Variants in ATL2 observed in about 807,000 individuals in gnomAD.
ATL2 encodes the protein atlastin GTPase 2, also known as atlastin-2.
Under a neutral mutation model 73.9 loss-of-function variants are expected in ATL2, and 31 were observed. The ratio of observed to expected loss-of-function variants is 0.42; its 90% CI spans 0.32 to 0.57. ATL2 has a LOEUF of 0.57. Among genes scored for constraint, ATL2 ranks in the 20% least tolerant of loss-of-function variants. ATL2 has a pLI of 0.14. For synonymous variants in ATL2, 291 were observed against 237.5 expected (o/e 1.23, Z -2.07); for missense variants, 738 against 702.6 (o/e 1.05, Z -0.57).
chr2:38,367,579 A>G (rs1222660413), intron 1 of ATL2, among the ~76,000 whole-genome samples: 1 of 126,564 alleles, frequency 7.9e-6, no homozygotes, highest in Non-Finnish European at 1.7e-5. Flanking sequence ...CGGGGAACAG[A>G]GCAAGAATCC....
At chr2:38,365,547 T>G (rs1289606064) in intron 1 of ATL2, among the ~76,000 whole-genome samples, 6 of 151,978 alleles carry the variant, frequency 3.9e-5, no homozygotes. Context: ...TCTTAGCACT[T>G]TCGGAGGCCA....
At chr2:38,368,630 T>C (rs1671490380) in intron 1 of ATL2, among the ~76,000 whole-genome samples, 1 of 152,134 alleles carries the variant, frequency 6.6e-6, no homozygotes. Flanking sequence ...AAATTGCCAA[T>C]TTATTTAAGA....
chr2:38,370,230 G>A (rs187737820), intron 1 of ATL2, among the ~76,000 whole-genome samples: 4 of 145,434 alleles, frequency 2.8e-5, no homozygotes, highest in East Asian at 2.1e-4. Context: ...TTTGGGGGCC[G>A]AGGTGGGTGG....
At chr2:38,343,243 G>C (rs1387645433) in intron 2 of ATL2, 25 bp downstream of exon 2, 2 of 1,519,276 alleles carry the variant, frequency 1.3e-6, no homozygotes, top group Non-Finnish European at 1.8e-6. Context: ...CTTTTTAATT[G>C]GGTTCAATTT....
At chr2:38,357,566 C>A (rs1277856104) in intron 1 of ATL2, among the ~76,000 whole-genome samples, 1 of 145,216 alleles carries the variant, frequency 6.9e-6, no homozygotes, top group South Asian at 2.2e-4. Context: ...GCAGAAGAAT[C>A]GCTTGAACCC....
chr2:38,315,223 T>C, intron 5 of ATL2, 61 bp downstream of exon 5: 1 of 1,381,160 alleles, frequency 7.2e-7, no homozygotes, highest in Non-Finnish European at 9.4e-7. Context: ...CGTACTCTAG[T>C]CTGGGGAACA....
In ATL2 at chr2:38,343,292, G is replaced by C; in HGVS notation, c.339C>G (p.Phe113Leu). Residue 113 changes from phenylalanine (F) to leucine (L), a missense_variant, in exon 2 of 13, where the codon TTC (phenylalanine) becomes TTG (leucine). Phe to Leu is a conservative substitution (Grantham distance 22, BLOSUM62 0). Transcript: ENST00000378954. ...FRKGKSFLLDFMLRYMYNKDS... is the reference protein window; with the variant it reads ...FRKGKSFLLDLMLRYMYNKDS... Reference sequence around the variant, plus strand: ...CCTTGTTATACATGTATCTAAGCATGAAGTCCAGTAGAAATGACTTCCCTT... The same window carrying C: ...CCTTGTTATACATGTATCTAAGCATCAAGTCCAGTAGAAATGACTTCCCTT... 1 of 1,606,350 alleles carries C rather than the reference G, an allele frequency of 6.2e-7. No homozygotes were observed. The highest frequency in any genetic ancestry group is 1.4e-5 in the African/African-American group (1 of 73,592).
Position 38,319,663 on chromosome 2 carries a change from A to T in ATL2, c.364-644T>A, listed in dbSNP as rs150093853. On this transcript the variant is annotated intron_variant, in intron 2 of 12. Transcript: ENST00000378954. ...AGAAATATTTCCTAAAATGTTAAAA[A>T]TCATAAAAAACTCGGCACCAATTAT... Among the ~76,000 whole-genome samples the T allele has an allele frequency of 1.5e-3, 225 of 152,214 alleles. 1 individual carries two copies. Among genetic ancestry groups the T allele is most frequent in the African/African-American group, 5.2e-3 (216 of 41,534 alleles).
intron 9 of ATL2, among the ~76,000 whole-genome samples, chr2:38,302,904 A>G (rs1234339053): frequency 5.9e-5 from 9 of 152,216 alleles, no homozygotes. Context: ...TAACTCTTCA[A>G]TGTCCAGACA....
chr2:38,341,177 G>A (rs1248407285), intron 2 of ATL2, among the ~76,000 whole-genome samples: 2 of 152,166 alleles, frequency 1.3e-5, no homozygotes, highest in African/African-American at 4.8e-5. Flanking sequence ...GCACTAAACA[G>A]CTTAGACACA....
intron 1 of ATL2, among the ~76,000 whole-genome samples, chr2:38,351,746 G>A (rs1015319811): frequency 1.3e-5 from 2 of 151,798 alleles, no homozygotes; most frequent in East Asian, 2.0e-4. Flanking sequence ...ACCCGCCTCC[G>A]CCTCCCAAAG....
At chr2:38,298,094 T>C in intron 12 of ATL2, 50 bp downstream of exon 12, 1 of 1,505,196 alleles carries the variant, frequency 6.6e-7, no homozygotes, top group Non-Finnish European at 9.0e-7. Context: ...GGATGGAAAG[T>C]CACAGGAAAA....
rs1670845927 is a variant in ATL2 at position 38,358,924 on chromosome 2, A to G, written c.119-15412T>C. ...CGATAAATTTTTTTTGAAGGAAAAA[A>G]ACAGCTACTAGTCAAACAGATACTA... On this transcript the variant is annotated intron_variant, in intron 1 of 12. Coordinates refer to ENST00000378954, the MANE Select transcript of ATL2 (RefSeq NM_001135673.4). Among the ~76,000 whole-genome samples, 4 of 152,188 alleles carry G rather than the reference A, an allele frequency of 2.6e-5. No individual in the cohort carries two copies. In the South Asian group the frequency reaches 8.3e-4, roughly 31 times the overall value.
At chr2:38,298,937 G>A (rs939078442) in intron 11 of ATL2, among the ~76,000 whole-genome samples, 1 of 152,154 alleles carries the variant, frequency 6.6e-6, no homozygotes, top group Non-Finnish European at 1.5e-5. Flanking sequence ...GAGCAAGCAA[G>A]TACAGAAACT....
chr2:38,376,377 A>T, intron 1 of ATL2: 1 of 617,784 alleles, frequency 1.6e-6, no homozygotes, highest in South Asian at 4.1e-5. Flanking sequence ...GGAGCCAAGG[A>T]TCAGGTGACT....
chr2:38,372,123 GTTTT>G (rs371482809), intron 1 of ATL2, among the ~76,000 whole-genome samples: 19 of 125,196 alleles, frequency 1.5e-4, no homozygotes, highest in African/African-American at 3.9e-4. Flanking sequence ...CATGTTAATT[GTTTT>G]TTTTTTTTTT....
chr2:38,356,152 A>G (rs900034174), intron 1 of ATL2, among the ~76,000 whole-genome samples: 2 of 152,146 alleles, frequency 1.3e-5, no homozygotes, highest in Non-Finnish European at 2.9e-5. Flanking sequence ...AATCATTTAA[A>G]TAATATTTTT....
At chr2:38,320,058 G>A (rs1191774254) in intron 2 of ATL2, among the ~76,000 whole-genome samples, 1 of 152,108 alleles carries the variant, frequency 6.6e-6, no homozygotes, top group African/African-American at 2.4e-5. Flanking sequence ...AGTGAGCAGA[G>A]ATCGCGCCAC....
chr2:38,360,259 CT>C lies in ATL2; in HGVS notation c.119-16748del, dbSNP rs566192942. Among the ~76,000 whole-genome samples, 413 of 135,076 alleles carry C rather than the reference CT, an allele frequency of 3.1e-3. 2 individuals are homozygous for C. The highest frequency in any genetic ancestry group is 0.015 in the Middle Eastern group (4 of 262). The allele number at this position is 135,076 out of a possible 152,430, so 88.6% of individuals were successfully genotyped here. ...AGAATAAGCGATGGCTCAGGGGATT[CT>C]TTTTTTTTTTTTTAAGATTTTGGGT... On this transcript the variant is annotated intron_variant, in intron 1 of 12. Coordinates refer to ENST00000378954, the MANE Select transcript of ATL2 (RefSeq NM_001135673.4).
Sources: allele counts gnomAD v4.1 joint callset (sites outside exome capture counted in the v4.1 genomes callset), GRCh38; gene constraint gnomAD v4.1.1; transcripts MANE v1.5; gene names NCBI Gene and HGNC (gene_info 2026-07-23, HGNC 2026-07-21).